The following NECAB1 variants were observed in gnomAD, a reference collection of about 807,000 sequenced individuals.
NECAB1 encodes N-terminal EF-hand calcium binding protein 1.
A neutral mutation model predicts 57.5 loss-of-function variants in NECAB1; 29 were observed. The ratio of observed to expected loss-of-function variants is 0.50; its 90% confidence interval spans 0.38 to 0.69. NECAB1 has a LOEUF of 0.69. Ranked by LOEUF, NECAB1 falls within the 30% of genes least tolerant of loss-of-function variation. NECAB1 has a pLI of 0.00. For synonymous variants in NECAB1, 142 were observed against 147.7 expected (o/e 0.96, Z 0.28); for missense variants, 372 against 413.8 (o/e 0.90, Z 0.88).
chr8:90,804,263 A>T (rs1442514506), intron 2 of NECAB1, among the ~76,000 whole-genome samples: 1 of 152,224 alleles, frequency 6.6e-6, no homozygotes, highest in Non-Finnish European at 1.5e-5. Flanking sequence ...AAGTGAAATT[A>T]GCCAAACACA....
chr8:90,876,289 C>T (rs1213811096), intron 4 of NECAB1, among the ~76,000 whole-genome samples: 3 of 152,044 alleles, frequency 2.0e-5, no homozygotes, highest in African/African-American at 7.2e-5. Context: ...AGAGAGTTTG[C>T]GTGTCGCTTA....
At chr8:90,899,756 A>G (rs1296936536) in intron 5 of NECAB1, among the ~76,000 whole-genome samples, 1 of 152,212 alleles carries the variant, frequency 6.6e-6, no homozygotes, top group Non-Finnish European at 1.5e-5. Context: ...AAGGTTTACA[A>G]TGCTTCCTTC....
chr8:90,816,791 G>C (rs1812067446), intron 2 of NECAB1, among the ~76,000 whole-genome samples: 1 of 151,640 alleles, frequency 6.6e-6, no homozygotes, highest in Non-Finnish European at 1.5e-5. Context: ...TTCCTCTTCA[G>C]TATTGTGTTT....
chr8:90,883,419 C>T (rs1160074404), intron 5 of NECAB1, among the ~76,000 whole-genome samples: 2 of 152,308 alleles, frequency 1.3e-5, no homozygotes, highest in East Asian at 1.9e-4. Context: ...AGAAATCTAG[C>T]ATTTTTCTCT....
At chr8:90,950,255 A>G (rs1810898832) in intron 11 of NECAB1, among the ~76,000 whole-genome samples, 2 of 152,268 alleles carry the variant, frequency 1.3e-5, no homozygotes, top group South Asian at 2.1e-4. Flanking sequence ...CTAATTTTTC[A>G]TAGGATAGTC....
intron 2 of NECAB1, among the ~76,000 whole-genome samples, chr8:90,804,302 A>T (rs777763766): frequency 3.9e-5 from 6 of 152,180 alleles, no homozygotes; most frequent in Non-Finnish European, 7.3e-5. Flanking sequence ...ATACATCTAT[A>T]TCGAGCCTAA....
intron 12 of NECAB1, among the ~76,000 whole-genome samples, chr8:90,952,062 T>C (rs892126760): frequency 2.0e-5 from 3 of 152,118 alleles, no homozygotes; most frequent in African/African-American, 7.2e-5. Context: ...AGGTTGAGAA[T>C]GTCATAATGA....
At chr8:90,923,457 T>C (rs925229321) in intron 6 of NECAB1, among the ~76,000 whole-genome samples, 1 of 152,222 alleles carries the variant, frequency 6.6e-6, no homozygotes, top group Non-Finnish European at 1.5e-5. Flanking sequence ...ACAATGCCAA[T>C]GGTCAAGGTT....
At chr8:90,939,387 G>A (rs763544718) in intron 9 of NECAB1, among the ~76,000 whole-genome samples, 1 of 152,152 alleles carries the variant, frequency 6.6e-6, no homozygotes, top group Non-Finnish European at 1.5e-5. Context: ...TCCAAGGGGA[G>A]GGAAAATAGA....
intron 6 of NECAB1, among the ~76,000 whole-genome samples, chr8:90,921,682 A>G (rs554407884): frequency 1.3e-5 from 2 of 152,070 alleles, no homozygotes; most frequent in African/African-American, 4.8e-5. Flanking sequence ...CTCAAAAAAA[A>G]AACAAAAAAA....
At position 90,919,931 on chromosome 8, in the gene NECAB1, G is replaced by C. The variant is rs376969711; in HGVS notation, c.494+2303G>C. ...ACCTGTGCTCTGCATTTACCACCAT[G>C]CTGTGAATGTTTAATGAACAACTGT... On this transcript the variant is annotated intron_variant, in intron 6 of 12. Transcript: ENST00000417640. Among the ~76,000 whole-genome samples, 7 of 152,216 alleles carry C rather than the reference G, an allele frequency of 4.6e-5. No homozygotes were observed. The East Asian group carries it at 1.2e-3, about 25-fold the overall frequency.
intron 5 of NECAB1, among the ~76,000 whole-genome samples, chr8:90,904,823 A>C (rs1809597633): frequency 6.6e-6 from 1 of 152,194 alleles, no homozygotes; most frequent in African/African-American, 2.4e-5. Flanking sequence ...GACATGACAT[A>C]TCAGTGCCAA....
chr8:90,946,616 A>G (rs1171471796), intron 10 of NECAB1, among the ~76,000 whole-genome samples: 1 of 152,212 alleles, frequency 6.6e-6, no homozygotes, highest in East Asian at 1.9e-4. Flanking sequence ...GCTGTCATCA[A>G]AGATCCCAGG....
intron 3 of NECAB1, among the ~76,000 whole-genome samples, chr8:90,853,954 T>C (rs1242371006): frequency 1.3e-5 from 2 of 152,028 alleles, no homozygotes; most frequent in African/African-American, 4.8e-5. Flanking sequence ...GAAAAGGAAT[T>C]GGTTAACAGG....
At chr8:90,875,177 G>A (rs1808693275) in intron 4 of NECAB1, among the ~76,000 whole-genome samples, 1 of 152,094 alleles carries the variant, frequency 6.6e-6, no homozygotes, top group Non-Finnish European at 1.5e-5. Context: ...TCTTGAAGTT[G>A]GTAGTTAAGA....
chr8:90,835,281 G>T lies in NECAB1; in HGVS notation c.233+10456G>T, dbSNP rs115541707. ...AAATTCCTGCTTCCTCAAATCTCAT[G>T]CTATGCCTGACTAGCCTTGCTCTTC... On this transcript the variant is annotated intron_variant, in intron 3 of 12. Transcript: ENST00000417640. Among the ~76,000 whole-genome samples, 216 of 152,254 alleles carry T rather than the reference G, an allele frequency of 1.4e-3. 1 individual carries two copies. Among genetic ancestry groups the T allele is most frequent in the African/African-American group, 5.1e-3 (211 of 41,568 alleles).
intron 3 of NECAB1, among the ~76,000 whole-genome samples, chr8:90,831,214 T>A (rs768057935): frequency 6.6e-6 from 1 of 152,116 alleles, no homozygotes; most frequent in Non-Finnish European, 1.5e-5. Context: ...TCCCAATAAC[T>A]CTCAGCAATT....
In NECAB1 at chr8:90,881,074, G is replaced by C. The variant is rs186455786; in HGVS notation, c.301G>C (p.Ala101Pro). 5.5e-5 allele frequency: 88 copies of C among 1,607,818 alleles called. No homozygotes were observed. Among genetic ancestry groups the C allele is most frequent in the Non-Finnish European group, 6.2e-5 (73 of 1,176,956 alleles). The part of the protein sequence containing the change: ...QHLGEYENVL[A>P]ALEDLNLSIL... Reference sequence around the variant, plus strand: ...CTTGGGCGAGTATGAGAATGTACTAGCAGCACTTGAAGACCTGAATCTTTC... The same window carrying C: ...CTTGGGCGAGTATGAGAATGTACTACCAGCACTTGAAGACCTGAATCTTTC... Residue 101 changes from alanine (A) to proline (P), a missense_variant, in exon 5 of 13, where the codon GCA (alanine) becomes CCA (proline). Coordinates refer to ENST00000417640, the MANE Select transcript of NECAB1 (RefSeq NM_022351.5).
At chr8:90,872,062 T>C in intron 3 of NECAB1, 66 bp from the exon 4 acceptor site, 1 of 1,259,740 alleles carries the variant, frequency 7.9e-7, no homozygotes. Flanking sequence ...TATTTAACTA[T>C]TTAAAAACGT....
Sources: gnomAD v4.1 joint callset for allele counts (sites outside exome capture counted in the v4.1 genomes callset) on GRCh38, gnomAD v4.1.1 for gene constraint, MANE v1.5 for transcripts, NCBI Gene and HGNC (gene_info 2026-07-23, HGNC 2026-07-21) for gene names.